The following SH3RF3 variants were observed in gnomAD, a reference collection of about 807,000 sequenced individuals.
SH3RF3 encodes SH3 domain containing ring finger 3, also known as E3 ubiquitin-protein ligase SH3RF3.
Under a neutral mutation model 66.3 loss-of-function variants are expected in SH3RF3, and 29 were observed. The ratio of observed to expected loss-of-function variants is 0.44; its 90% CI spans 0.33 to 0.60. The LOEUF is 0.60. Among genes scored for constraint, SH3RF3 ranks in the 20% least tolerant of loss-of-function variants. The probability of loss-of-function intolerance (pLI) is 0.04; values close to 1 mark genes in which losing one functional copy is unlikely to be tolerated. For missense variants in SH3RF3, 1,194 were observed against 1,190.9 expected (o/e 1.00, Z -0.04); for synonymous variants, 583 against 532.0 (o/e 1.10, Z -1.32).
chr2:109,383,318 T>C (rs558530403), intron 3 of SH3RF3, among the ~76,000 whole-genome samples: 53 of 152,302 alleles, frequency 3.5e-4, no homozygotes, highest in South Asian at 4.2e-4. Context: ...TGGGGGGTCA[T>C]GGGGGACCCC....
At chr2:109,148,616 A>C (rs1472086969) in intron 1 of SH3RF3, among the ~76,000 whole-genome samples, 1 of 152,214 alleles carries the variant, frequency 6.6e-6, no homozygotes, top group Non-Finnish European at 1.5e-5. Flanking sequence ...TGTATAATTA[A>C]AGATGGCATT....
chr2:109,290,818 A>G (rs1681149005), intron 1 of SH3RF3, among the ~76,000 whole-genome samples: 1 of 152,228 alleles, frequency 6.6e-6, no homozygotes, highest in Admixed American at 6.5e-5. Context: ...GCTTCTAACA[A>G]CTGCCTGAAA....
intron 2 of SH3RF3, among the ~76,000 whole-genome samples, chr2:109,351,198 A>G (rs887675100): frequency 1.3e-5 from 2 of 152,230 alleles, no homozygotes; most frequent in African/African-American, 4.8e-5. Context: ...CAGCTCTGCC[A>G]GCTGGTTTCT....
chr2:109,140,598 G>T (rs1261175221), intron 1 of SH3RF3, among the ~76,000 whole-genome samples: 1 of 151,946 alleles, frequency 6.6e-6, no homozygotes, highest in Admixed American at 6.6e-5. Context: ...AACCAGGATG[G>T]TCTTGATCTC....
At chr2:109,297,695 C>G (rs953416188) in intron 1 of SH3RF3, among the ~76,000 whole-genome samples, 1 of 151,450 alleles carries the variant, frequency 6.6e-6, no homozygotes, top group African/African-American at 2.4e-5. Context: ...CCAATGCCCC[C>G]CATTCTGCCC....
At chr2:109,184,370 G>C (rs1678138330) in intron 1 of SH3RF3, among the ~76,000 whole-genome samples, 1 of 152,224 alleles carries the variant, frequency 6.6e-6, no homozygotes, top group Non-Finnish European at 1.5e-5. Context: ...TTCCTAGCAG[G>C]ATGAAATGCA....
intron 1 of SH3RF3, among the ~76,000 whole-genome samples, chr2:109,305,537 T>C (rs1395181617): frequency 2.0e-5 from 3 of 152,166 alleles, no homozygotes; most frequent in Non-Finnish European, 4.4e-5. Flanking sequence ...AGAAGTGCTG[T>C]GTGGAAATTA....
At chr2:109,296,245 GA>G (rs1490385576) in intron 1 of SH3RF3, among the ~76,000 whole-genome samples, 3 of 149,124 alleles carry the variant, frequency 2.0e-5, no homozygotes, top group African/African-American at 7.8e-5. Flanking sequence ...ATTATTATTC[GA>G]GATGGAGTTT....
intron 2 of SH3RF3, among the ~76,000 whole-genome samples, chr2:109,362,080 CTA>C (rs917529706): frequency 5.3e-5 from 8 of 151,886 alleles, no homozygotes; most frequent in Non-Finnish European, 1.0e-4. Flanking sequence ...TTGATTTCTT[CTA>C]TTTCTTTTAT....
chr2:109,151,565 G>C (rs572763003), intron 1 of SH3RF3, among the ~76,000 whole-genome samples: 17 of 152,214 alleles, frequency 1.1e-4, no homozygotes, highest in African/African-American at 4.1e-4. Flanking sequence ...AAAATATGTC[G>C]GCATGTAGTT....
At chr2:109,180,673 C>T (rs1678053823) in intron 1 of SH3RF3, among the ~76,000 whole-genome samples, 1 of 152,176 alleles carries the variant, frequency 6.6e-6, no homozygotes, top group African/African-American at 2.4e-5. Context: ...TGTCTGATGT[C>T]CTCCATGTAA....
At chr2:109,251,918 A>C (rs1680102128) in intron 1 of SH3RF3, among the ~76,000 whole-genome samples, 1 of 152,166 alleles carries the variant, frequency 6.6e-6, no homozygotes, top group Non-Finnish European at 1.5e-5. Flanking sequence ...TTATGTTCTT[A>C]AATCGGCAAA....
intron 8 of SH3RF3, among the ~76,000 whole-genome samples, chr2:109,456,789 G>A (rs539843066): frequency 1.3e-5 from 2 of 152,342 alleles, no homozygotes; most frequent in East Asian, 1.9e-4. Flanking sequence ...GTAGGGCACT[G>A]GGAATGAAAC....
At chr2:109,348,058 AT>A in intron 2 of SH3RF3, 109 bp downstream of exon 2, 1 of 1,408,934 alleles carries the variant, frequency 7.1e-7, no homozygotes, top group Non-Finnish European at 9.5e-7. Context: ...CAGAGTCTGA[AT>A]CCTGGCTCCT....
intron 1 of SH3RF3, among the ~76,000 whole-genome samples, chr2:109,231,444 C>A (rs1391453832): frequency 6.6e-6 from 1 of 152,220 alleles, no homozygotes; most frequent in Admixed American, 6.5e-5. Context: ...TTTTCTCGTG[C>A]AGACCAAGTC....
At position 109,419,641 on chromosome 2, in the gene SH3RF3, G is replaced by A. The variant is rs1183906650; in HGVS notation, c.1402G>A (p.Val468Met). The A allele has an allele frequency of 1.9e-6, 3 of 1,572,432 alleles. No homozygotes were observed. The highest frequency in any genetic ancestry group is 2.6e-6 in the Non-Finnish European group (3 of 1,160,964). ...TCCCAAGGTCCAGCTGCCCCTCAACGTGTGAGCTGCCCTTTGTGTCTGTCG... is the reference window on the plus strand; with the variant it reads ...TCCCAAGGTCCAGCTGCCCCTCAACATGTGAGCTGCCCTTTGTGTCTGTCG... ...TPPKVQLPLN[V>M]YLALYAYKPQ... is the part of the protein sequence containing the mutation. Residue 468 changes from valine (V) to methionine (M), a missense_variant and splice_region_variant, in exon 5 of 10, where the codon GTG becomes ATG. Transcript: ENST00000309415.
At chr2:109,332,034 G>A (rs535011934) in intron 1 of SH3RF3, among the ~76,000 whole-genome samples, 4 of 152,192 alleles carry the variant, frequency 2.6e-5, no homozygotes, top group Non-Finnish European at 2.9e-5. Flanking sequence ...CCGGAAATCT[G>A]TGGCTTTCTG....
intron 1 of SH3RF3, among the ~76,000 whole-genome samples, chr2:109,180,583 A>G (rs890773569): frequency 7.9e-5 from 12 of 152,168 alleles, no homozygotes; most frequent in Admixed American, 2.0e-4. Context: ...GGTTTCTCCC[A>G]TACTGTTCTT....
intron 4 of SH3RF3, among the ~76,000 whole-genome samples, chr2:109,401,586 G>A (rs1386478542): frequency 6.6e-6 from 1 of 152,190 alleles, no homozygotes; most frequent in Non-Finnish European, 1.5e-5. Flanking sequence ...GTTCCTTGGA[G>A]TTCTAAAAAA....
Sources: gnomAD v4.1 joint callset for allele counts (sites outside exome capture counted in the v4.1 genomes callset) on GRCh38, gnomAD v4.1.1 for gene constraint, MANE v1.5 for transcripts, NCBI Gene and HGNC (gene_info 2026-07-23, HGNC 2026-07-21) for gene names.